Variants in CCDC122 observed in about 807,000 individuals in gnomAD.
CCDC122 encodes the protein coiled-coil domain containing 122.
Under a neutral mutation model 37.0 loss-of-function variants are expected in CCDC122, and 38 were observed. The observed-to-expected ratio is 1.03, with a 90% CI of 0.79 to 1.35. The LOEUF (loss-of-function observed/expected upper bound fraction) is 1.35, where lower values mean the gene tolerates loss of function less well. CCDC122 is among the 40% of genes most tolerant of loss of function. The pLI, the probability that CCDC122 is intolerant of heterozygous loss-of-function variation, is 0.00. For synonymous variants in CCDC122, 83 were observed against 95.6 expected (o/e 0.87, Z 0.77); for missense variants, 305 against 310.0 (o/e 0.98, Z 0.12).
chr13:43,830,232 C>T (rs9634665), intron 3 of CCDC122, among the ~76,000 whole-genome samples: 2,773 of 152,206 alleles, frequency 0.018, 59 homozygotes, highest in East Asian at 0.074. Flanking sequence ...TTGAATGGGA[C>T]AGTGATTAGA....
At chr13:43,841,837 A>G (rs1406988192) in intron 6 of CCDC122, among the ~76,000 whole-genome samples, 2 of 152,114 alleles carry the variant, frequency 1.3e-5, no homozygotes, top group African/African-American at 4.8e-5. Context: ...CAGCCTCCTG[A>G]GTAGCTGGGA....
rs1008708829 is a variant in CCDC122 at position 43,837,141 on chromosome 13, C to A, written c.*139G>T. 32 of 800,426 alleles carry A rather than the reference C, an allele frequency of 4.0e-5. No individual in the cohort carries two copies. The highest frequency in any genetic ancestry group is 3.5e-4 in the Middle Eastern group (1 of 2,894). 49.6% of individuals were successfully genotyped at this position (800,426 alleles called of 1,614,324 possible). ...AAATCGATGACTGATTTAAAAAAAA[C>A]AACAACCGAAGACATCTGTCATTAA... On this transcript the variant is annotated 3_prime_UTR_variant, in exon 7 of 7. Coordinates refer to ENST00000444614, the MANE Select transcript of CCDC122 (RefSeq NM_144974.5).
chr13:43,854,293 T>G (rs963501366), intron 6 of CCDC122: 2 of 152,056 alleles, frequency 1.3e-5, no homozygotes, highest in Admixed American at 1.3e-4. Context: ...ATGAGGAGGA[T>G]ATCACCACTG....
chr13:43,871,357 C>T (rs1475299556), intron 2 of CCDC122, among the ~76,000 whole-genome samples: 1 of 152,084 alleles, frequency 6.6e-6, no homozygotes, highest in Non-Finnish European at 1.5e-5. Flanking sequence ...GTTCTTCATG[C>T]TCTTACCTAG....
At chr13:43,844,311 G>C (rs1280448902) in intron 6 of CCDC122, among the ~76,000 whole-genome samples, 2 of 151,638 alleles carry the variant, frequency 1.3e-5, no homozygotes, top group East Asian at 3.9e-4. Context: ...TAGAAGTATG[G>C]TCAATTTCCA....
intron 6 of CCDC122, among the ~76,000 whole-genome samples, chr13:43,843,574 C>G (rs1953425641): frequency 6.6e-6 from 1 of 151,932 alleles, no homozygotes; most frequent in South Asian, 2.1e-4. Flanking sequence ...ATGTTCACCT[C>G]CTAAAATGAG....
chr13:43,853,261 C>T (rs1953802808), intron 6 of CCDC122, among the ~76,000 whole-genome samples: 1 of 152,020 alleles, frequency 6.6e-6, no homozygotes. Flanking sequence ...TGCAATGACA[C>T]ACATAGGCTC....
At chr13:43,864,637 C>T (rs1193890584) in intron 4 of CCDC122, among the ~76,000 whole-genome samples, 1 of 152,142 alleles carries the variant, frequency 6.6e-6, no homozygotes, top group East Asian at 1.9e-4. Context: ...TTAATCTATT[C>T]ATGACAGGAT....
chr13:43,875,040 G>C (rs1954567382), intron 1 of CCDC122, 113 bp from the exon 2 acceptor site: 1 of 152,208 alleles, frequency 6.6e-6, no homozygotes, highest in South Asian at 2.1e-4. Flanking sequence ...TACCAAAGGA[G>C]GGGCTTTGCT....
intron 6 of CCDC122, chr13:43,858,491 AT>A (rs1954000161): frequency 6.0e-6 from 1 of 166,856 alleles, no homozygotes; most frequent in Non-Finnish European, 1.3e-5. Context: ...CTAGCCATTA[AT>A]TGGGTATCAT....
intron 2 of CCDC122, among the ~76,000 whole-genome samples, chr13:43,872,327 C>G (rs1184214500): frequency 1.3e-5 from 2 of 152,066 alleles, no homozygotes; most frequent in South Asian, 2.1e-4. Flanking sequence ...GAATCTCAAC[C>G]AGCTGCTTTG....
chr13:43,879,037 G>A (rs1318635579), intron 1 of CCDC122, among the ~76,000 whole-genome samples: 2 of 152,144 alleles, frequency 1.3e-5, no homozygotes, highest in African/African-American at 2.4e-5. Context: ...GCTGCGGTGA[G>A]GAAACCCAGC....
intron 6 of CCDC122, among the ~76,000 whole-genome samples, chr13:43,842,238 GAGAT>G (rs1953379832): frequency 6.6e-6 from 1 of 151,952 alleles, no homozygotes; most frequent in African/African-American, 2.4e-5. Flanking sequence ...TTGTGAGGTG[GAGAT>G]ACAGGTTCAT....
In CCDC122 at chr13:43,837,335, T is replaced by C. The variant is rs1046597988; in HGVS notation, c.767A>G (p.Gln256Arg). The C allele has an allele frequency of 1.9e-5, 31 of 1,613,970 alleles. No individual in the cohort carries two copies. In the Middle Eastern group the frequency reaches 6.6e-4, roughly 34 times the overall value. The change falls in exon 7 of 7, where the codon CAA becomes CGA. Residue 256 changes from glutamine (Q) to arginine (R), a missense_variant. Coordinates refer to ENST00000444614, the MANE Select transcript of CCDC122 (RefSeq NM_144974.5). ...SNRRQWQWNI[Q>R]QLEKTAAELR... ...TTCGGCTGCAGTTTTTTCCAATTGT[T>C]GAATGTTCCATTGCCACTGTCGTCT...
At chr13:43,862,059 C>T (rs1168252854) in intron 4 of CCDC122, among the ~76,000 whole-genome samples, 2 of 152,142 alleles carry the variant, frequency 1.3e-5, no homozygotes, top group Admixed American at 1.3e-4. Flanking sequence ...CTCCCCACTC[C>T]CCCAACTAGT....
At chr13:43,824,850 A>G (rs1838648) in intron 3 of CCDC122, among the ~76,000 whole-genome samples, 135,490 of 152,184 alleles carry the variant, frequency 0.89, 60,878 homozygotes, top group South Asian at 0.98. Flanking sequence ...ACAATGAGAT[A>G]CCATCTCATA....
At chr13:43,858,955 C>T (rs1954019379) in intron 5 of CCDC122, 58 bp from the exon 6 acceptor site, 3 of 1,257,930 alleles carry the variant, frequency 2.4e-6, no homozygotes, top group Non-Finnish European at 3.1e-6. Flanking sequence ...AATATAAATC[C>T]AATTTTTCAG....
chr13:43,856,518 T>G (rs1594839453), intron 6 of CCDC122: 1 of 156,416 alleles, frequency 6.4e-6, no homozygotes, highest in East Asian at 1.9e-4. Flanking sequence ...TAGTCCCAGC[T>G]ACTCCGGAGG....
At chr13:43,823,061 A>G (rs539637869), downstream of CCDC122, among the ~76,000 whole-genome samples, 4 of 152,130 alleles carry the variant, frequency 2.6e-5, no homozygotes, top group South Asian at 2.1e-4. Flanking sequence ...AATCACACCT[A>G]AAGCCAACAC....
Sources: gnomAD v4.1 joint callset for allele counts (sites outside exome capture counted in the v4.1 genomes callset) on GRCh38, gnomAD v4.1.1 for gene constraint, MANE v1.5 for transcripts, NCBI Gene and HGNC (gene_info 2026-07-23, HGNC 2026-07-21) for gene names.